The following TLE4 variants were observed in gnomAD, a reference collection of about 807,000 sequenced individuals.
TLE4 encodes the protein TLE family member 4, transcriptional corepressor.
Under a neutral mutation model 92.8 loss-of-function variants are expected in TLE4, and 8 were observed. The observed-to-expected ratio is 0.09, with a 90% CI of 0.05 to 0.16. The LOEUF (loss-of-function observed/expected upper bound fraction) is 0.16, where lower values mean the gene tolerates loss of function less well. Among genes scored for constraint, TLE4 ranks in the 10% least tolerant of loss-of-function variants. The pLI, the probability that TLE4 is intolerant of heterozygous loss-of-function variation, is 1.00. For missense variants in TLE4, 675 were observed against 997.6 expected (o/e 0.68, Z 4.36); for synonymous variants, 371 against 374.1 (o/e 0.99, Z 0.10).
At position 79,716,286 on chromosome 9, in the gene TLE4, G is replaced by A. The variant is rs116296406; in HGVS notation, c.1341-2436G>A. On this transcript the variant is annotated intron_variant, in intron 14 of 19. Transcript: ENST00000376552. ...ATTTGTTGTTCCCTCTGCCTGGCAC[G>A]TTCCCCATTACTTATTTGTAAGGCC... Among the ~76,000 whole-genome samples, 1,488 of 152,172 alleles carry A rather than the reference G, an allele frequency of 9.8e-3. 31 individuals carry two copies. Among genetic ancestry groups the A allele is most frequent in the African/African-American group, 0.034 (1,396 of 41,502 alleles).
intron 6 of TLE4, among the ~76,000 whole-genome samples, chr9:79,650,508 A>G (rs747661599): frequency 2.8e-4 from 42 of 152,196 alleles, no homozygotes; most frequent in Non-Finnish European, 5.7e-4. Flanking sequence ...CAAATTTGCC[A>G]TATATTTACT....
intron 14 of TLE4, among the ~76,000 whole-genome samples, chr9:79,712,199 T>C (rs1392599604): frequency 1.3e-5 from 2 of 152,238 alleles, no homozygotes; most frequent in Non-Finnish European, 2.9e-5. Context: ...AGCATATTAT[T>C]CATTTTTCAG....
intron 6 of TLE4, among the ~76,000 whole-genome samples, chr9:79,651,631 TATTTCAGC>T (rs2059013913): frequency 6.6e-6 from 1 of 152,164 alleles, no homozygotes; most frequent in Non-Finnish European, 1.5e-5. Context: ...AGTGCCCAAT[TATTTCAGC>T]ATTATTGAGC....
intron 1 of TLE4, chr9:79,573,450 C>T (rs1423385550): frequency 1.9e-5 from 21 of 1,113,154 alleles, no homozygotes; most frequent in Non-Finnish European, 2.3e-5. Context: ...CTCGAACCCT[C>T]GGGGTCCGGG....
At chr9:79,638,963 C>G (rs958264494) in intron 6 of TLE4, among the ~76,000 whole-genome samples, 3 of 152,240 alleles carry the variant, frequency 2.0e-5, no homozygotes, top group African/African-American at 4.8e-5. Context: ...GAGCTCTTTG[C>G]AGGCTTCCTT....
chr9:79,661,303 T>C (rs1564723799), intron 8 of TLE4, among the ~76,000 whole-genome samples: 1 of 152,240 alleles, frequency 6.6e-6, no homozygotes, highest in Non-Finnish European at 1.5e-5. Flanking sequence ...AGTTTAATAC[T>C]CTTGTTCTTC....
intron 8 of TLE4, among the ~76,000 whole-genome samples, chr9:79,667,048 A>G (rs1258667978): frequency 1.3e-5 from 2 of 152,228 alleles, no homozygotes; most frequent in East Asian, 1.9e-4. Context: ...TTTCTTGTAC[A>G]CACCCTAGTT....
chr9:79,721,497 C>T (rs1304442248), intron 16 of TLE4, among the ~76,000 whole-genome samples: 1 of 152,080 alleles, frequency 6.6e-6, no homozygotes, highest in East Asian at 1.9e-4. Flanking sequence ...TAATATCAGT[C>T]ATGTTTTCAT....
intron 8 of TLE4, among the ~76,000 whole-genome samples, chr9:79,679,848 T>C (rs1158639786): frequency 2.0e-5 from 3 of 152,134 alleles, no homozygotes; most frequent in Non-Finnish European, 4.4e-5. Context: ...TAGCCAGTTT[T>C]CCCAGCACCA....
chr9:79,669,544 T>G (rs2061927171), intron 8 of TLE4, among the ~76,000 whole-genome samples: 1 of 152,196 alleles, frequency 6.6e-6, no homozygotes, highest in South Asian at 2.1e-4. Flanking sequence ...AGTTTTGGTC[T>G]GAGGCGCTCT....
chr9:79,623,780 G>A (rs2051729740), intron 5 of TLE4, among the ~76,000 whole-genome samples: 1 of 130,892 alleles, frequency 7.6e-6, no homozygotes, highest in South Asian at 2.5e-4. Context: ...CATTTGTTTT[G>A]TCTCTTCAAA....
chr9:79,615,049 CA>C (rs1302377307), intron 5 of TLE4, among the ~76,000 whole-genome samples: 1 of 152,162 alleles, frequency 6.6e-6, no homozygotes, highest in Non-Finnish European at 1.5e-5. Context: ...GTGTGAGACA[CA>C]AACATGTTTG....
intron 4 of TLE4, among the ~76,000 whole-genome samples, chr9:79,598,209 A>G (rs2044570951): frequency 1.3e-5 from 2 of 149,282 alleles, no homozygotes; most frequent in African/African-American, 5.0e-5. Flanking sequence ...AGATCGTGCC[A>G]CTGCACTCCA....
chr9:79,724,076 G>GT (rs955793359), intron 19 of TLE4, among the ~76,000 whole-genome samples: 56 of 151,908 alleles, frequency 3.7e-4, no homozygotes, highest in African/African-American at 1.2e-3. Flanking sequence ...TCTATGGTAT[G>GT]TTTTTAACTG....
chr9:79,652,843 G>A (rs777216698), intron 7 of TLE4, 49 bp downstream of exon 7: 3 of 1,577,008 alleles, frequency 1.9e-6, no homozygotes, highest in Non-Finnish European at 2.6e-6. Context: ...ACTTGCTGCT[G>A]AGGGTAGGTT....
intron 8 of TLE4, among the ~76,000 whole-genome samples, chr9:79,654,510 T>A (rs945458655): frequency 6.6e-6 from 1 of 151,258 alleles, no homozygotes; most frequent in African/African-American, 2.4e-5. Flanking sequence ...TTTTTTTTTT[T>A]ACCACTAGAA....
chr9:79,587,072 T>C (rs1029399211), intron 4 of TLE4, among the ~76,000 whole-genome samples: 1 of 152,240 alleles, frequency 6.6e-6, no homozygotes, highest in Non-Finnish European at 1.5e-5. Context: ...TCTGACTATA[T>C]TTTTGTTTAC....
chr9:79,580,560 C>A (rs1163383605), intron 4 of TLE4, among the ~76,000 whole-genome samples: 1 of 151,980 alleles, frequency 6.6e-6, no homozygotes, highest in Non-Finnish European at 1.5e-5. Flanking sequence ...TCATTTTAGA[C>A]CACATTTCCC....
In TLE4 at chr9:79,726,583, C is replaced by T. The variant is rs1375916454; in HGVS notation, c.*1439C>T. 3 of 152,524 alleles carry T rather than the reference C, an allele frequency of 2.0e-5. No homozygotes were observed. Among genetic ancestry groups the T allele is most frequent in the Non-Finnish European group, 4.4e-5 (3 of 68,050 alleles). 9.4% of individuals were successfully genotyped at this position (152,524 alleles called of 1,614,324 possible). A position where few individuals can be genotyped will look rare whatever the true frequency, so the allele number is the denominator to read the frequency against. On this transcript the variant is annotated 3_prime_UTR_variant, in exon 20 of 20. Transcript: ENST00000376552. The stretch of plus-strand genomic sequence containing the variant: ...GTCTTAAGTGCTTAGTGTTTGATGT[C>T]ATTAACAGTTTCGTAAAACTCTACA...
Sources: allele counts gnomAD v4.1 joint callset (sites outside exome capture counted in the v4.1 genomes callset), GRCh38; gene constraint gnomAD v4.1.1; transcripts MANE v1.5; gene names NCBI Gene and HGNC (gene_info 2026-07-23, HGNC 2026-07-21).